ARHGAP26: variants seen among roughly 807,000 people sequenced by gnomAD.
The protein encoded by ARHGAP26 is rho GTPase-activating protein 26.
A neutral mutation model predicts 104.8 loss-of-function variants in ARHGAP26; 38 were observed. The ratio of observed to expected loss-of-function variants is 0.36; its 90% CI spans 0.28 to 0.48. ARHGAP26 has a LOEUF of 0.48. ARHGAP26 is among the 20% of genes least tolerant of loss of function. ARHGAP26 has a pLI of 0.99. For missense variants in ARHGAP26, 704 were observed against 947.9 expected, an observed-to-expected ratio of 0.74 and a Z score of 3.38; for synonymous variants, 341 against 340.0, an observed-to-expected ratio of 1.00 and a Z score of -0.03.
chr5:142,918,193 C>G (rs571004418), intron 10 of ARHGAP26, among the ~76,000 whole-genome samples: 1 of 152,134 alleles, frequency 6.6e-6, no homozygotes, highest in East Asian at 1.9e-4. Context: ...GTCACCCAGG[C>G]TGGAGTGCAG....
intron 11 of ARHGAP26, among the ~76,000 whole-genome samples, chr5:142,989,682 C>G (rs1461076368): frequency 6.6e-6 from 1 of 152,162 alleles, no homozygotes; most frequent in African/African-American, 2.4e-5. Flanking sequence ...ATTTGCTTGT[C>G]TGTAAAAGAT....
chr5:142,963,605 T>C (rs949032063), intron 11 of ARHGAP26, among the ~76,000 whole-genome samples: 2 of 152,172 alleles, frequency 1.3e-5, no homozygotes, highest in African/African-American at 2.4e-5. Flanking sequence ...AATAACTACA[T>C]CAAAATTATT....
intron 22 of ARHGAP26, among the ~76,000 whole-genome samples, chr5:143,215,022 G>A (rs1404435982): frequency 1.3e-5 from 2 of 152,244 alleles, no homozygotes; most frequent in African/African-American, 2.4e-5. Flanking sequence ...GACTGCAGGT[G>A]CAGTGGGTCT....
intron 18 of ARHGAP26, among the ~76,000 whole-genome samples, chr5:143,133,485 C>G (rs888427726): frequency 2.0e-5 from 3 of 152,120 alleles, no homozygotes; most frequent in Non-Finnish European, 2.9e-5. Flanking sequence ...GGTGCCCTGC[C>G]CTGGGACCCT....
rs1811829542 is a variant in ARHGAP26 at position 143,228,449 on chromosome 5, CA to C, written c.*6006del. On this transcript the variant is annotated 3_prime_UTR_variant, in exon 23 of 23. Transcript: ENST00000645722. ...CCATTTTAAAACTGTTCATATTTAT[CA>C]AACAATTACTGTCTACAGCTACATT... 1 of 219,218 alleles carries C rather than the reference CA, an allele frequency of 4.6e-6. No individual in the cohort carries two copies. The highest frequency in any genetic ancestry group is 9.2e-6 in the Non-Finnish European group (1 of 109,272). 13.6% of individuals were successfully genotyped at this position (219,218 alleles called of 1,614,324 possible).
chr5:143,110,699 A>G (rs769393250), intron 17 of ARHGAP26, among the ~76,000 whole-genome samples: 3 of 152,222 alleles, frequency 2.0e-5, no homozygotes, highest in Non-Finnish European at 4.4e-5. Context: ...GCAAATGTTA[A>G]TTACATTGGA....
intron 12 of ARHGAP26, among the ~76,000 whole-genome samples, chr5:143,020,012 A>G (rs1267256819): frequency 1.3e-5 from 2 of 152,224 alleles, no homozygotes. Flanking sequence ...AACACTGGCC[A>G]TCTGGCTTTT....
chr5:143,116,386 G>C (rs1000204313), intron 17 of ARHGAP26, among the ~76,000 whole-genome samples: 1 of 152,184 alleles, frequency 6.6e-6, no homozygotes, highest in Non-Finnish European at 1.5e-5. Context: ...ATCCAGTGGA[G>C]CCAGTACTCC....
intron 1 of ARHGAP26, among the ~76,000 whole-genome samples, chr5:142,855,138 A>AGTG (rs1648408634): frequency 6.6e-6 from 1 of 152,180 alleles, no homozygotes; most frequent in Non-Finnish European, 1.5e-5. Flanking sequence ...TTTTGGCAAG[A>AGTG]GTGAAGTCAC....
intron 17 of ARHGAP26, among the ~76,000 whole-genome samples, chr5:143,094,252 T>A (rs140539165): frequency 1.2e-4 from 19 of 152,368 alleles, no homozygotes; most frequent in Non-Finnish European, 2.2e-4. Flanking sequence ...GGAAATACCT[T>A]ACTGCCTCCC....
intron 1 of ARHGAP26, among the ~76,000 whole-genome samples, chr5:142,801,887 A>T (rs1490794459): frequency 6.6e-6 from 1 of 152,198 alleles, no homozygotes; most frequent in Non-Finnish European, 1.5e-5. Flanking sequence ...GTCTAATGCC[A>T]GTCATTGGTC....
At chr5:143,130,712 C>T (rs950589119) in intron 18 of ARHGAP26, among the ~76,000 whole-genome samples, 3 of 152,202 alleles carry the variant, frequency 2.0e-5, no homozygotes, top group Non-Finnish European at 2.9e-5. Flanking sequence ...AGCATAGAGG[C>T]AAACCCGTGG....
chr5:143,140,054 C>T (rs1397588988), intron 19 of ARHGAP26, among the ~76,000 whole-genome samples: 1 of 152,192 alleles, frequency 6.6e-6, no homozygotes, highest in African/African-American at 2.4e-5. Context: ...CTTGAGTGTG[C>T]ATTTGAATCT....
chr5:143,204,017 T>G (rs1242147220), intron 20 of ARHGAP26, among the ~76,000 whole-genome samples: 1 of 151,498 alleles, frequency 6.6e-6, no homozygotes, highest in East Asian at 1.9e-4. Flanking sequence ...TGTATATCTA[T>G]GTAACAAACC....
intron 11 of ARHGAP26, among the ~76,000 whole-genome samples, chr5:142,967,972 C>A (rs901682788): frequency 1.3e-5 from 2 of 152,128 alleles, no homozygotes; most frequent in Admixed American, 1.3e-4. Context: ...CCAGAAAACC[C>A]TTGGATCAGG....
intron 11 of ARHGAP26, among the ~76,000 whole-genome samples, chr5:142,980,949 G>A (rs1285821812): frequency 6.6e-6 from 1 of 152,184 alleles, no homozygotes; most frequent in Non-Finnish European, 1.5e-5. Flanking sequence ...TATCGTAGTA[G>A]TAGTTGTCAT....
intron 17 of ARHGAP26, among the ~76,000 whole-genome samples, chr5:143,062,471 T>C (rs1660717563): frequency 6.6e-6 from 1 of 151,896 alleles, no homozygotes. Flanking sequence ...TCAAAATATG[T>C]AGACTCTGTT....
At chr5:143,139,519 C>A (rs1798274076) in intron 19 of ARHGAP26, among the ~76,000 whole-genome samples, 1 of 152,192 alleles carries the variant, frequency 6.6e-6, no homozygotes, top group African/African-American at 2.4e-5. Flanking sequence ...ACCATCTGTT[C>A]CAGCTTCCAG....
intron 17 of ARHGAP26, among the ~76,000 whole-genome samples, chr5:143,089,414 G>C (rs1046997310): frequency 6.6e-6 from 1 of 152,218 alleles, no homozygotes; most frequent in African/African-American, 2.4e-5. Context: ...ATGCTGTAAA[G>C]GGGTCATTTA....
Sources: allele counts gnomAD v4.1 joint callset (sites outside exome capture counted in the v4.1 genomes callset), GRCh38; gene constraint gnomAD v4.1.1; transcripts MANE v1.5; gene names NCBI Gene and HGNC (gene_info 2026-07-23, HGNC 2026-07-21).